The following ITIH4 variants were observed in gnomAD, a reference collection of about 807,000 sequenced individuals.
The protein encoded by ITIH4 is inter-alpha-trypsin inhibitor heavy chain H4.
ITIH4 carries 79 observed loss-of-function variants against 111.8 expected under a neutral mutation model. The ratio of observed to expected loss-of-function variants is 0.71; its 90% CI spans 0.59 to 0.85. The LOEUF (loss-of-function observed/expected upper bound fraction) is 0.85. Ranked by LOEUF, ITIH4 falls within the 40% of genes least tolerant of loss-of-function variation. The pLI is 0.00. For synonymous variants in ITIH4, 472 were observed against 468.3 expected (o/e 1.01, Z -0.10); for missense variants, 1,065 against 1,195.8 (o/e 0.89, Z 1.61).
At chr3:52,823,510 G>C in intron 11 of ITIH4, 46 bp downstream of exon 11, 1 of 1,492,654 alleles carries the variant, frequency 6.7e-7, no homozygotes, top group Non-Finnish European at 9.1e-7. Context: ...TGGCTGCAGA[G>C]GTGGAGGCTG....
Position 52,820,116 on chromosome 3 carries a change from C to A in ITIH4, c.1862-126G>T, listed in dbSNP as rs2710318. On this transcript the variant is annotated intron_variant, in intron 14 of 23. Coordinates refer to ENST00000266041, the MANE Select transcript of ITIH4 (RefSeq NM_002218.5). Reference sequence around the variant, plus strand: ...CACAGCCAATATTTGAATGCACAGGCGACTAAATGCACCAGCATGCTGGGT... The same window carrying A: ...CACAGCCAATATTTGAATGCACAGGAGACTAAATGCACCAGCATGCTGGGT... 4 of 1,270,390 alleles carry A rather than the reference C, an allele frequency of 3.1e-6. No homozygotes were observed. The East Asian group carries it at 9.3e-5, about 29-fold the overall frequency. 78.7% of individuals were successfully genotyped at this position (1,270,390 alleles called of 1,614,324 possible). A position where few individuals can be genotyped will look rare whatever the true frequency, so the allele number is the denominator to read the frequency against.
rs772509609 is a variant in ITIH4 at position 52,825,943 on chromosome 3, G to A, written c.702C>T (p.Asp234=). ...KSPEQQETVL[D]GNLIIRYDVD... The stretch of plus-strand genomic sequence containing the variant: ...CATCATAGCGGATAATGAGGTTGCC[G>A]TCCAGGACTGTTTCTTGCTGCTCTG... Residue 234 remains aspartate (D), a synonymous_variant, in exon 6 of 24, where the codon GAC becomes GAT. Coordinates refer to ENST00000266041, the MANE Select transcript of ITIH4 (RefSeq NM_002218.5). 2.1e-5 allele frequency: 34 copies of A among 1,614,018 alleles called. No individual in the cohort carries two copies. The highest frequency in any genetic ancestry group is 5.3e-5 in the African/African-American group (4 of 74,904).
Position 52,820,395 on chromosome 3 carries a change from T to C in ITIH4, c.1835-78A>G, listed in dbSNP as rs902248555. 23 of 1,473,668 alleles carry C rather than the reference T, an allele frequency of 1.6e-5. No individual in the cohort carries two copies. The Admixed American group carries it at 2.8e-4, about 18-fold the overall frequency. The allele number at this position is 1,473,668 out of a possible 1,614,324, so 91.3% of individuals were successfully genotyped here. ...CACCGTCAGGGTGGTTTTCATCAATTTGAAGCGCTTGTGTTTAATCTTGCT... is the reference window on the plus strand; with the variant it reads ...CACCGTCAGGGTGGTTTTCATCAATCTGAAGCGCTTGTGTTTAATCTTGCT... On this transcript the variant is annotated intron_variant, in intron 13 of 23. Transcript: ENST00000266041.
Position 52,818,260 on chromosome 3 carries a change from G to A in ITIH4, c.2176C>T (p.Pro726Ser), listed in dbSNP as rs1700314110. 6.3e-7 allele frequency: 1 copy of A among 1,581,780 alleles called. No individual in the cohort carries two copies. Among genetic ancestry groups the A allele is most frequent in the Non-Finnish European group, 8.6e-7 (1 of 1,164,892 alleles). The change falls in exon 19 of 24, where the codon CCA becomes TCA. Residue 726 changes from proline (P) to serine (S), a missense_variant. By Grantham distance (74) the Pro-to-Ser change is moderately conservative. Transcript: ENST00000266041. The stretch of plus-strand genomic sequence containing the variant: ...GCCAAGGGGGCTGGGAACTTACCTG[G>A]GGTTTGGGTTGTCATGGTTGTTTCT... Reference protein sequence around the residue: ...IEETTMTTQTPAPIQAPSAIL... With the variant: ...IEETTMTTQTSAPIQAPSAIL...
intron 2 of ITIH4, among the ~76,000 whole-genome samples, chr3:52,827,402 C>T (rs981710762): frequency 6.6e-6 from 1 of 152,364 alleles, no homozygotes; most frequent in South Asian, 2.1e-4. Flanking sequence ...AGGCCTCTAG[C>T]TCCCGGAGGT....
rs746236204 is a variant in ITIH4, at chr3:52,827,088, C to A, written c.356+5G>T. 6.2e-7 allele frequency: 1 copy of A among 1,613,854 alleles called. No individual in the cohort carries two copies. The highest frequency in any genetic ancestry group is 1.1e-5 in the South Asian group (1 of 91,076). ...CCCCACTGAAGCTGCCCCCCACCAGCTCACTTGACGAGGCCAGCGCTCTTT... is the reference window on the plus strand; with the variant it reads ...CCCCACTGAAGCTGCCCCCCACCAGATCACTTGACGAGGCCAGCGCTCTTT... On this transcript the variant is annotated splice_donor_5th_base_variant and intron_variant, in intron 3 of 23. Coordinates refer to ENST00000266041, the MANE Select transcript of ITIH4 (RefSeq NM_002218.5).
chr3:52,814,726 G>T (rs892625084), intron 21 of ITIH4, among the ~76,000 whole-genome samples: 2 of 152,162 alleles, frequency 1.3e-5, no homozygotes, highest in Admixed American at 1.3e-4. Context: ...AGCTGGTACT[G>T]CAGGTACATG....
rs976796089 is a variant in ITIH4 at position 52,817,113 on chromosome 3, G to A, written c.2297-55C>T. 2.7e-5 allele frequency: 41 copies of A among 1,506,050 alleles called. No homozygotes were observed. The African/African-American group carries it at 5.2e-4, about 19-fold the overall frequency. The allele number at this position is 1,506,050 out of a possible 1,614,324, so 93.3% of individuals were successfully genotyped here. ...CTGGGCCCCAGCCAGGTCTGACACC[G>A]ACCTGCATGGGGAGTCCCCCCTGAT... On this transcript the variant is annotated intron_variant, in intron 20 of 23. Transcript: ENST00000266041.
chr3:52,819,121 G>A (rs1279640840), intron 17 of ITIH4: 7 of 438,274 alleles, frequency 1.6e-5, no homozygotes, highest in Non-Finnish European at 2.5e-5. Flanking sequence ...GGGTGAGCTC[G>A]CATCTGAGGA....
chr3:52,818,535 C>A lies in ITIH4; in HGVS notation c.2079G>T (p.Leu693Phe). Residue 693 changes from leucine (L) to phenylalanine (F), a missense_variant and splice_region_variant, in exon 18 of 24, where the codon TTG (leucine) becomes TTT (phenylalanine). Coordinates refer to ENST00000266041, the MANE Select transcript of ITIH4 (RefSeq NM_002218.5). ...AYHPFRRLAI[L>F]PASAPPATSN... The stretch of plus-strand genomic sequence containing the variant: ...AGGTGGCTGGTGGTGCTGAAGCAGG[C>A]ACTAGGGCAGGAACATCCGGAAACA... 1 of 1,600,668 alleles carries A rather than the reference C, an allele frequency of 6.2e-7. No homozygotes were observed. Among genetic ancestry groups the A allele is most frequent in the Non-Finnish European group, 8.5e-7 (1 of 1,173,394 alleles).
At position 52,818,245 on chromosome 3, in the gene ITIH4, C is replaced by T; in HGVS notation, c.2179+12G>A. ...AGGATGTGGAAAGGGGCCAAGGGGG[C>T]TGGGAACTTACCTGGGGTTTGGGTT... On this transcript the variant is annotated intron_variant, in intron 19 of 23. Coordinates refer to ENST00000266041, the MANE Select transcript of ITIH4 (RefSeq NM_002218.5). 6.3e-7 allele frequency: 1 copy of T among 1,583,884 alleles called. No homozygotes were observed. The highest frequency in any genetic ancestry group is 2.2e-5 in the East Asian group (1 of 44,570).
chr3:52,825,086 C>T (rs967061154), intron 6 of ITIH4, 128 bp from the exon 7 acceptor site: 5 of 585,404 alleles, frequency 8.5e-6, no homozygotes, highest in African/African-American at 7.6e-5. Context: ...CACTGCTAAC[C>T]TCCCCAAAAC....
rs759303124 is a variant in ITIH4 at position 52,819,532 on chromosome 3, G to T, written c.1952-14C>A. On this transcript the variant is annotated splice_polypyrimidine_tract_variant and intron_variant, in intron 16 of 23. Transcript: ENST00000266041. ...CAGCAGCTCCAGCTTTGGAGAAATC[G>T]ACAGATGCAGTCTTCTCTCAGGTGG... 5.1e-5 allele frequency: 83 copies of T among 1,613,848 alleles called. No individual in the cohort carries two copies. Among genetic ancestry groups the T allele is most frequent in the Non-Finnish European group, 6.6e-5 (78 of 1,179,976 alleles).
chr3:52,820,261 G>T (rs918639930), intron 14 of ITIH4, 30 bp downstream of exon 14: 7 of 1,613,802 alleles, frequency 4.3e-6, no homozygotes, highest in African/African-American at 2.7e-5. Context: ...CCACCACCCA[G>T]CACAGCCTTT....
In ITIH4 at chr3:52,823,732, G is replaced by T; in HGVS notation, c.1363C>A (p.Gln455Lys). 8 of 1,614,174 alleles carry T rather than the reference G, an allele frequency of 5.0e-6. No individual in the cohort carries two copies. Among genetic ancestry groups the T allele is most frequent in the Non-Finnish European group, 6.8e-6 (8 of 1,180,022 alleles). ...GTCAGCAGTGGGTTGGCCACTTCCT[G>T]GTAGAAGTCCTGCAGGGTTGGGGGT... ...DSALQLQDFY[Q>K]EVANPLLTAV... The change falls in exon 11 of 24, where the codon CAG becomes AAG. Residue 455 changes from glutamine to lysine, a missense_variant. By Grantham distance (53) the Gln-to-Lys change is moderately conservative (BLOSUM62 1). Transcript: ENST00000266041.
intron 11 of ITIH4, chr3:52,822,410 A>T (rs998947170): frequency 6.6e-6 from 1 of 152,206 alleles, no homozygotes; most frequent in African/African-American, 2.4e-5. Context: ...CATTAAAATA[A>T]GTAAATAACC....
chr3:52,818,022 T>C (rs1166256350), intron 20 of ITIH4, 30 bp downstream of exon 20: 2 of 1,535,678 alleles, frequency 1.3e-6, no homozygotes, highest in Non-Finnish European at 1.8e-6. Flanking sequence ...GCCAGTGGTG[T>C]CTGGGTCTCT....
chr3:52,821,450 C>G (rs1024371131), intron 11 of ITIH4, among the ~76,000 whole-genome samples: 4 of 152,136 alleles, frequency 2.6e-5, no homozygotes, highest in Non-Finnish European at 5.9e-5. Context: ...GAAACAGCAG[C>G]AGGAAGGATT....
chr3:52,818,753 T>A, intron 17 of ITIH4: 1 of 581,456 alleles, frequency 1.7e-6, no homozygotes, highest in Non-Finnish European at 3.1e-6. Context: ...GATTTGGGGA[T>A]CAGAAAACAG....
Sources: allele counts gnomAD v4.1 joint callset (sites outside exome capture counted in the v4.1 genomes callset), GRCh38; gene constraint gnomAD v4.1.1; transcripts MANE v1.5; gene names NCBI Gene and HGNC (gene_info 2026-07-23, HGNC 2026-07-21).